CCDC73: variants seen among roughly 807,000 people sequenced by gnomAD.
CCDC73 encodes the protein coiled-coil domain containing 73.
A neutral mutation model predicts 116.5 loss-of-function variants in CCDC73; 95 were observed. The ratio of observed to expected loss-of-function variants is 0.82; its 90% CI spans 0.69 to 0.97. CCDC73 has a LOEUF of 0.97. CCDC73 is among the 50% of genes least tolerant of loss of function. The pLI is 0.00. For synonymous variants in CCDC73, 398 were observed against 401.3 expected, an observed-to-expected ratio of 0.99 and a Z score of 0.10; for missense variants, 1,066 against 1,206.8, an observed-to-expected ratio of 0.88 and a Z score of 1.73.
chr11:32,703,459 A>G (rs1849829957), intron 3 of CCDC73, among the ~76,000 whole-genome samples: 1 of 149,540 alleles, frequency 6.7e-6, no homozygotes, highest in Admixed American at 6.6e-5. Context: ...TTTTTCATGA[A>G]AAAAAAAAAC....
At chr11:32,713,612 G>A (rs1479914194) in intron 3 of CCDC73, among the ~76,000 whole-genome samples, 2 of 152,004 alleles carry the variant, frequency 1.3e-5, no homozygotes, top group Non-Finnish European at 2.9e-5. Context: ...CCTACAACTG[G>A]CTCCAGAGTC....
chr11:32,653,105 C>T lies in CCDC73; in HGVS notation c.939+18G>A, dbSNP rs751899893. ...AAACACAGATAGATAGACAGACAGA[C>T]AGACAGATAGAACGAACCTGATTAT... On this transcript the variant is annotated intron_variant, in intron 12 of 17. Coordinates refer to ENST00000335185, the MANE Select transcript of CCDC73 (RefSeq NM_001008391.4). 7.1e-7 allele frequency: 1 copy of T among 1,416,152 alleles called. No individual in the cohort carries two copies. Among genetic ancestry groups the T allele is most frequent in the Non-Finnish European group, 9.9e-7 (1 of 1,005,268 alleles). The allele number at this position is 1,416,152 out of a possible 1,614,324, so 87.7% of individuals were successfully genotyped here. A position where few individuals can be genotyped will look rare whatever the true frequency, so the allele number is the denominator to read the frequency against.
chr11:32,677,966 A>AC (rs1159160440), intron 7 of CCDC73, among the ~76,000 whole-genome samples: 1 of 149,260 alleles, frequency 6.7e-6, no homozygotes, highest in African/African-American at 2.5e-5. Flanking sequence ...AAAAAAAAAA[A>AC]AAAAAAAAAA....
chr11:32,799,187 G>A (rs1183741831), upstream of CCDC73, among the ~76,000 whole-genome samples: 1 of 150,976 alleles, frequency 6.6e-6, no homozygotes, highest in African/African-American at 2.4e-5. Context: ...CACCTCCCAG[G>A]TTCAAGTGAT....
the CCDC73 span, among the ~76,000 whole-genome samples, chr11:32,823,155 A>G: frequency 6.6e-5 from 10 of 152,214 alleles, no homozygotes; most frequent in South Asian, 2.1e-3. Flanking sequence ...AATATTCCCA[A>G]TATTTTAAAA....
At chr11:32,817,619 A>G in the CCDC73 span, among the ~76,000 whole-genome samples, 1 of 152,134 alleles carries the variant, frequency 6.6e-6, no homozygotes, top group African/African-American at 2.4e-5. Context: ...TAGGGTTCCT[A>G]TGACACTATT....
chr11:32,750,362 C>A (rs1850276670), intron 2 of CCDC73, among the ~76,000 whole-genome samples: 1 of 152,164 alleles, frequency 6.6e-6, no homozygotes, highest in Non-Finnish European at 1.5e-5. Context: ...CCAGTGTGCA[C>A]TCAAGGCCTT....
chr11:32,672,669 G>T (rs1856050297), intron 9 of CCDC73, among the ~76,000 whole-genome samples: 1 of 151,958 alleles, frequency 6.6e-6, no homozygotes, highest in East Asian at 1.9e-4. Flanking sequence ...ATTCTTACTT[G>T]GGATTCCAAA....
At chr11:32,718,933 C>T (rs1262850146) in intron 2 of CCDC73, among the ~76,000 whole-genome samples, 1 of 152,158 alleles carries the variant, frequency 6.6e-6, no homozygotes, top group East Asian at 1.9e-4. Flanking sequence ...CATCCTGAGA[C>T]TCAGGTTCAC....
chr11:32,734,869 A>G lies in CCDC73; in HGVS notation c.136-16722T>C, dbSNP rs148048901. Reference sequence around the variant, plus strand: ...GGGATGCAAGGCTGGTTCAACATATACAAATCATTAAACATAATCCAAGAT... The same window carrying G: ...GGGATGCAAGGCTGGTTCAACATATGCAAATCATTAAACATAATCCAAGAT... On this transcript the variant is annotated intron_variant, in intron 2 of 17. Coordinates refer to ENST00000335185, the MANE Select transcript of CCDC73 (RefSeq NM_001008391.4). Among the ~76,000 whole-genome samples, 432 of 152,244 alleles carry G rather than the reference A, an allele frequency of 2.8e-3. 1 individual carries two copies. Among genetic ancestry groups the G allele is most frequent in the Non-Finnish European group, 4.7e-3 (319 of 67,994 alleles).
chr11:32,686,209 CA>C (rs34582756), intron 6 of CCDC73, among the ~76,000 whole-genome samples: 725 of 56,870 alleles, frequency 0.013, 2 homozygotes, highest in African/African-American at 0.039. Flanking sequence ...GAGGGAAAGC[CA>C]AAAAAAAAAA....
chr11:32,666,566 T>G (rs1278577401), intron 9 of CCDC73, among the ~76,000 whole-genome samples: 2 of 152,204 alleles, frequency 1.3e-5, no homozygotes, highest in African/African-American at 2.4e-5. Context: ...TCATCTCATC[T>G]TTTTTCAAGG....
At chr11:32,727,770 C>T (rs545598348) in intron 2 of CCDC73, among the ~76,000 whole-genome samples, 1 of 152,086 alleles carries the variant, frequency 6.6e-6, no homozygotes, top group South Asian at 2.1e-4. Context: ...TGGGGTTTCA[C>T]CATCTTGGCC....
chr11:32,687,408 A>G (rs1415545197), intron 6 of CCDC73, among the ~76,000 whole-genome samples: 1 of 152,194 alleles, frequency 6.6e-6, no homozygotes, highest in African/African-American at 2.4e-5. Context: ...GGACATCCAC[A>G]TAAGGAAAGA....
At chr11:32,618,994 G>A (rs143914883) in intron 14 of CCDC73, among the ~76,000 whole-genome samples, 8 of 152,252 alleles carry the variant, frequency 5.3e-5, no homozygotes, top group Non-Finnish European at 1.0e-4. Context: ...AGAGGTGTCT[G>A]TTCATGTCTT....
intron 1 of CCDC73, among the ~76,000 whole-genome samples, chr11:32,785,606 T>A (rs1850620959): frequency 6.6e-6 from 1 of 152,034 alleles, no homozygotes; most frequent in African/African-American, 2.4e-5. Context: ...GCTATCACTA[T>A]GTTACCCAGG....
At chr11:32,721,906 C>T (rs547923477) in intron 2 of CCDC73, among the ~76,000 whole-genome samples, 1 of 152,244 alleles carries the variant, frequency 6.6e-6, no homozygotes, top group East Asian at 1.9e-4. Flanking sequence ...CTATGACTCA[C>T]TTTTATGTCC....
At chr11:32,672,060 T>C (rs1856044225) in intron 9 of CCDC73, among the ~76,000 whole-genome samples, 1 of 152,166 alleles carries the variant, frequency 6.6e-6, no homozygotes, top group South Asian at 2.1e-4. Context: ...ATTAGAAATA[T>C]AATAGGCAGG....
intron 2 of CCDC73, among the ~76,000 whole-genome samples, chr11:32,740,592 T>A (rs1850174572): frequency 6.6e-6 from 1 of 152,010 alleles, no homozygotes; most frequent in African/African-American, 2.4e-5. Flanking sequence ...GTTTTCTTAG[T>A]CTGGATAACA....
Sources: gnomAD v4.1 joint callset for allele counts (sites outside exome capture counted in the v4.1 genomes callset) on GRCh38, gnomAD v4.1.1 for gene constraint, MANE v1.5 for transcripts, NCBI Gene and HGNC (gene_info 2026-07-23, HGNC 2026-07-21) for gene names.